Variants in TUSC3 observed in about 807,000 individuals in gnomAD.
The protein encoded by TUSC3 is dolichyl-diphosphooligosaccharide--protein glycosyltransferase subunit TUSC3.
In TUSC3, 45 loss-of-function variants were observed where a neutral mutation model predicts 44.8. The ratio of observed to expected loss-of-function variants is 1.00; its 90% CI spans 0.79 to 1.29. TUSC3 has a LOEUF of 1.29. Among genes scored for constraint, TUSC3 ranks in the 50% most tolerant of loss-of-function variants. TUSC3 has a pLI of 0.00. For synonymous variants in TUSC3, 212 were observed against 152.9 expected (o/e 1.39, Z -2.85); for missense variants, 519 against 437.9 (o/e 1.19, Z -1.65).
intron 1 of TUSC3, among the ~76,000 whole-genome samples, chr8:15,455,006 A>T (rs1183976110): frequency 1.3e-5 from 2 of 152,134 alleles, no homozygotes; most frequent in Non-Finnish European, 2.9e-5. Flanking sequence ...AACCATGGGG[A>T]ATCTTAGGGG....
At position 15,673,851 on chromosome 8, in the gene TUSC3, T is replaced by G. The variant is rs545583640; in HGVS notation, c.798+15T>G. ...ATGGACAAGTGGTAAGTGTAATTTA[T>G]AAGCATGAATATTCTGAAGTTTAAT... On this transcript the variant is annotated intron_variant, in intron 6 of 10. Transcript: ENST00000503731. 1.3e-6 allele frequency: 2 copies of G among 1,593,704 alleles called. No individual in the cohort carries two copies. Among genetic ancestry groups the G allele is most frequent in the Non-Finnish European group, 1.7e-6 (2 of 1,162,212 alleles).
intron 1 of TUSC3, among the ~76,000 whole-genome samples, chr8:15,442,837 T>G (rs1295768292): frequency 6.6e-6 from 1 of 152,204 alleles, no homozygotes; most frequent in East Asian, 1.9e-4. Flanking sequence ...CTTGGTCTTC[T>G]GTATCCATGG....
intron 1 of TUSC3, among the ~76,000 whole-genome samples, chr8:15,426,831 C>A (rs114912138): frequency 6.6e-6 from 1 of 152,170 alleles, no homozygotes; most frequent in Non-Finnish European, 1.5e-5. Flanking sequence ...ATAGCTACTA[C>A]ACCATCATAT....
At chr8:15,753,924 A>C (rs1811813717) in intron 9 of TUSC3, among the ~76,000 whole-genome samples, 1 of 151,092 alleles carries the variant, frequency 6.6e-6, no homozygotes. Flanking sequence ...CAAATGAAGG[A>C]GAAGAAGAAA....
At chr8:15,836,378 G>A in the TUSC3 span, among the ~76,000 whole-genome samples, 1 of 151,148 alleles carries the variant, frequency 6.6e-6, no homozygotes, top group South Asian at 2.1e-4. Flanking sequence ...CTCGGATGCT[G>A]AGGCAGCAGA....
the TUSC3 span, chr8:15,807,233 C>G: frequency 1.6e-6 from 1 of 638,622 alleles, no homozygotes; most frequent in Non-Finnish European, 2.9e-6. Context: ...AATTACCCCA[C>G]CCCCAGGCAT....
chr8:15,446,620 G>T (rs544040141), intron 1 of TUSC3, among the ~76,000 whole-genome samples: 1 of 151,452 alleles, frequency 6.6e-6, no homozygotes, highest in Non-Finnish European at 1.5e-5. Flanking sequence ...CCAGGCGCTC[G>T]GCAGGCTGAG....
chr8:15,573,903 T>C (rs1201502343), intron 1 of TUSC3, among the ~76,000 whole-genome samples: 1 of 151,712 alleles, frequency 6.6e-6, no homozygotes, highest in African/African-American at 2.4e-5. Flanking sequence ...TGGGGGGTGA[T>C]AGGAGGGGGA....
chr8:15,837,804 G>A, the TUSC3 span, among the ~76,000 whole-genome samples: 1 of 152,076 alleles, frequency 6.6e-6, no homozygotes. Context: ...TTCTTTGTCT[G>A]CCATTTATTT....
chr8:15,783,627 G>A, the TUSC3 span, among the ~76,000 whole-genome samples: 5 of 152,090 alleles, frequency 3.3e-5, no homozygotes, highest in Non-Finnish European at 7.4e-5. Context: ...AATAGAGAAA[G>A]GACAATCTTT....
intron 2 of TUSC3, among the ~76,000 whole-genome samples, chr8:15,511,255 G>A (rs1167400851): frequency 1.3e-5 from 2 of 151,864 alleles, no homozygotes; most frequent in Admixed American, 1.3e-4. Context: ...GAGGGAGGAA[G>A]GGAAGAAAGG....
intron 1 of TUSC3, among the ~76,000 whole-genome samples, chr8:15,544,826 G>A (rs1300231055): frequency 1.3e-5 from 2 of 151,748 alleles, no homozygotes. Context: ...CAGGCAATGT[G>A]ATTTCACTTA....
At chr8:15,448,038 C>T (rs1217116695) in intron 1 of TUSC3, among the ~76,000 whole-genome samples, 9 of 148,230 alleles carry the variant, frequency 6.1e-5, no homozygotes, top group Admixed American at 1.4e-4. Context: ...TAGTGGCTAC[C>T]GTATCACACA....
chr8:15,725,159 G>A (rs1212361149), intron 6 of TUSC3, among the ~76,000 whole-genome samples: 1 of 151,984 alleles, frequency 6.6e-6, no homozygotes, highest in Admixed American at 6.6e-5. Flanking sequence ...TTTTTAGTAA[G>A]GATTATATGC....
intron 1 of TUSC3, among the ~76,000 whole-genome samples, chr8:15,556,574 G>A (rs945396265): frequency 2.0e-5 from 3 of 148,110 alleles, no homozygotes; most frequent in African/African-American, 7.4e-5. Flanking sequence ...CTGAGGAATC[G>A]CCACACTGAC....
rs115247898 is a variant in TUSC3, at chr8:15,437,866, G to A, written n.91+20561G>A. 5.5e-4 allele frequency among the ~76,000 whole-genome samples: 83 copies of A among 152,244 alleles called. 1 individual carries two copies. Among genetic ancestry groups the A allele is most frequent in the African/African-American group, 1.8e-3 (75 of 41,564 alleles). On this transcript the variant is annotated intron_variant and non_coding_transcript_variant, in intron 1 of 5. Transcript: ENST00000503191. ...TCATCTATTAAATTCACCTCTGCTC[G>A]TGTATAAAATGAATGCACCCTGTTG...
At chr8:15,597,660 A>C (rs141654807) in intron 1 of TUSC3, among the ~76,000 whole-genome samples, 1 of 152,242 alleles carries the variant, frequency 6.6e-6, no homozygotes, top group East Asian at 1.9e-4. Flanking sequence ...ACACATTGAT[A>C]TTAGATTGAC....
chr8:15,794,894 A>G, the TUSC3 span, among the ~76,000 whole-genome samples: 4 of 152,172 alleles, frequency 2.6e-5, no homozygotes, highest in South Asian at 4.1e-4. Flanking sequence ...AAGACAATCC[A>G]AAACAAAGAA....
chr8:15,519,309 C>T (rs1448603334), intron 2 of TUSC3, among the ~76,000 whole-genome samples: 3 of 152,000 alleles, frequency 2.0e-5, no homozygotes, highest in African/African-American at 4.8e-5. Context: ...ATATTAATCC[C>T]AGAAGTATAT....
Sources: allele counts gnomAD v4.1 joint callset (sites outside exome capture counted in the v4.1 genomes callset), GRCh38; gene constraint gnomAD v4.1.1; transcripts MANE v1.5; gene names NCBI Gene and HGNC (gene_info 2026-07-23, HGNC 2026-07-21).